The following PRRT4 variants were observed in gnomAD, a reference collection of about 807,000 sequenced individuals.
PRRT4 encodes the protein proline rich transmembrane protein 4.
A neutral mutation model predicts 55.6 loss-of-function variants in PRRT4; 59 were observed. The observed-to-expected ratio is 1.06, with a 90% CI of 0.86 to 1.32. The LOEUF is 1.32. Among genes scored for constraint, PRRT4 ranks in the 40% most tolerant of loss-of-function variants. PRRT4 has a pLI of 0.00. For synonymous variants in PRRT4, 606 were observed against 601.8 expected, an observed-to-expected ratio of 1.01 and a Z score of -0.10; for missense variants, 1,217 against 1,222.0, an observed-to-expected ratio of 1.00 and a Z score of 0.06.
At chr7:128,359,028 C>T (rs1797175260) in intron 3 of PRRT4, 121 bp downstream of exon 4, 3 of 1,251,492 alleles carry the variant, frequency 2.4e-6, no homozygotes, top group African/African-American at 1.5e-5. Context: ...TAGCCCATAT[C>T]CTAGGGCCTG....
chr7:128,351,496 A>AGGTCTG, exon 5 of PRRT4: 1 of 1,515,464 alleles, frequency 6.6e-7, no homozygotes, highest in Non-Finnish European at 8.8e-7. Flanking sequence ...CTGGAGTAGG[A>AGGTCTG]GGTCTGGGCC....
At chr7:128,354,569 A>AC (rs780986480) in intron 4 of PRRT4, among the ~76,000 whole-genome samples, 4,666 of 130,482 alleles carry the variant, frequency 0.036, 86 homozygotes, top group African/African-American at 0.059. Flanking sequence ...GGCTCAAAAA[A>AC]AACACACACA....
At chr7:128,359,007 C>G (rs960347701) in intron 3 of PRRT4, 142 bp downstream of exon 4, 1 of 1,187,950 alleles carries the variant, frequency 8.4e-7, no homozygotes, top group Non-Finnish European at 1.2e-6. Context: ...ATACTCCTTC[C>G]GTGGAAGTAG....
chr7:128,359,879 G>A (rs1386657196), exon 2 of PRRT4: 15 of 1,470,106 alleles, frequency 1.0e-5, no homozygotes, highest in Non-Finnish European at 1.3e-5. Flanking sequence ...AGGTACGGGG[G>A]TCAAAGTGGT....
At chr7:128,361,938 G>C (rs1345207207), upstream of PRRT4, among the ~76,000 whole-genome samples, 1 of 152,112 alleles carries the variant, frequency 6.6e-6, no homozygotes, top group African/African-American at 2.4e-5. Context: ...CACACTCCCA[G>C]GGCGGCCCAG....
At chr7:128,355,556 A>G (rs1797095617) in intron 4 of PRRT4, among the ~76,000 whole-genome samples, 1 of 152,214 alleles carries the variant, frequency 6.6e-6, no homozygotes, top group East Asian at 1.9e-4. Context: ...CCAGCCATCA[A>G]TTAAACGAGA....
rs1797158217 is a variant in PRRT4, at chr7:128,358,280, C to T, written c.877+401G>A. On this transcript the variant is annotated intron_variant, in intron 4 of 4. Transcript: ENST00000535159. The surrounding 1 kb of genome is among the most constrained non-coding windows in gnomAD (Gnocchi z 4.4). Reference sequence around the variant, plus strand: ...ATGAGAAACCCAGCTCTTCCCATATCTGACAGCATGTCATGTCAGATCAGA... The same window carrying T: ...ATGAGAAACCCAGCTCTTCCCATATTTGACAGCATGTCATGTCAGATCAGA... Among the ~76,000 whole-genome samples, 2 of 152,200 alleles carry T rather than the reference C, an allele frequency of 1.3e-5. No individual in the cohort carries two copies. The highest frequency in any genetic ancestry group is 4.8e-5 in the African/African-American group (2 of 41,444).
exon 5 of PRRT4, chr7:128,351,876 C>T (rs1251431917): frequency 7.5e-7 from 1 of 1,328,146 alleles, no homozygotes. Flanking sequence ...CCACCGGGGC[C>T]GTGCGCGCCG....
At position 128,351,186 on chromosome 7, in the gene PRRT4, G is replaced by C. The variant is rs1265456145; in HGVS notation, c.2370C>G (p.Pro790=). The C allele has an allele frequency of 9.1e-6, 14 of 1,542,698 alleles. No homozygotes were observed. In the East Asian group the frequency reaches 3.4e-4, roughly 38 times the overall value. Reference sequence around the variant, plus strand: ...TGCCTGCGGGCCAAGCCCCAGGGGAGGGGAGCTCCGGGGGCGCAGCGGGGC... The same window carrying C: ...TGCCTGCGGGCCAAGCCCCAGGGGACGGGAGCTCCGGGGGCGCAGCGGGGC... The change falls in exon 5 of 5, where the codon CCC becomes CCG. Residue 790 remains proline (P), a synonymous_variant. Transcript: ENST00000535159.
At position 128,359,897 on chromosome 7, in the gene PRRT4, G is replaced by T. The variant is rs1367546452; in HGVS notation, c.95C>A (p.Ala32Asp). The change falls in exon 2 of 5, where the codon GCC becomes GAC. Residue 32 changes from alanine (A) to aspartate (D), a missense_variant. Around this residue, in one of 3 missense-constraint regions of PRRT4, gnomAD observed 564 missense variants for 592.9 expected, o/e 0.95. Coordinates refer to ENST00000535159, the Ensembl canonical transcript of PRRT4. ...TACGGGGGTCAAAGTGGTGGCAGGG[G>T]CACCTGGGATGGAGGGGGTGGGCTG... The T allele has an allele frequency of 5.5e-6, 8 of 1,460,494 alleles. No individual in the cohort carries two copies. The East Asian group carries it at 2.0e-4, about 37-fold the overall frequency. 90.5% of individuals were successfully genotyped at this position (1,460,494 alleles called of 1,614,324 possible).
exon 5 of PRRT4, chr7:128,352,115 C>T (rs1796996645): frequency 8.7e-7 from 1 of 1,154,730 alleles, no homozygotes; most frequent in Non-Finnish European, 1.1e-6. Context: ...CCGAGGGCGG[C>T]GGCGGCCGCC....
chr7:128,351,988 C>T lies in PRRT4; in HGVS notation c.1568G>A (p.Arg523Gln), dbSNP rs768529271. Residue 523 changes from arginine (R) to glutamine (Q), a missense_variant, in exon 5 of 5, where the codon CGG (arginine) becomes CAG (glutamine). Physicochemically the swap from Arg to Gln is conservative, Grantham distance 43. Coordinates refer to ENST00000535159, the Ensembl canonical transcript of PRRT4. ...TCCCAGGGGCGCCCCGGCCCGCCGC[C>T]GCCGCCCGCCCCAGCAGGAGAGCGC... 3.2e-5 allele frequency: 42 copies of T among 1,304,846 alleles called. 1 individual carries two copies. In the South Asian group the frequency reaches 6.5e-4, roughly 20 times the overall value. 80.8% of individuals were successfully genotyped at this position (1,304,846 alleles called of 1,614,324 possible).
At chr7:128,351,594 G>T in exon 5 of PRRT4, 1 of 1,505,590 alleles carries the variant, frequency 6.6e-7, no homozygotes, top group Non-Finnish European at 8.8e-7. Flanking sequence ...GGGGCCCAGT[G>T]ACCCAGCCTC....
At chr7:128,350,964 C>A (rs1055926263) in exon 5 of PRRT4, 3 of 1,551,030 alleles carry the variant, frequency 1.9e-6, no homozygotes, top group Non-Finnish European at 2.6e-6. Context: ...CAGAAGCAGG[C>A]TCTGGGGAGT....
At chr7:128,351,588 C>T (rs1436892296) in exon 5 of PRRT4, 5 of 1,503,778 alleles carry the variant, frequency 3.3e-6, no homozygotes, top group Non-Finnish European at 4.4e-6. Context: ...TGTCTGGGGG[C>T]CCAGTGACCC....
At position 128,354,673 on chromosome 7, in the gene PRRT4, G is replaced by T. The variant is rs1327533341; in HGVS notation, c.878-1995C>A. 2.0e-5 allele frequency among the ~76,000 whole-genome samples: 3 copies of T among 151,998 alleles called. No homozygotes were observed. The East Asian group carries it at 5.8e-4, about 29-fold the overall frequency. ...ATAAGAGTTCTGAGAACAAGGAAAA[G>T]GAAGGAGTGAGGGGGCTGGCAGGTG... On this transcript the variant is annotated intron_variant, in intron 4 of 4. Transcript: ENST00000535159.
chr7:128,351,662 G>A (rs929972948), exon 5 of PRRT4: 10 of 1,513,316 alleles, frequency 6.6e-6, no homozygotes, highest in Middle Eastern at 2.2e-4. Context: ...GCCCAGCAGC[G>A]CGGCGGCACG....
chr7:128,358,738 T>A lies in PRRT4; in HGVS notation c.820A>T (p.Ser274Cys). Residue 274 changes from serine to cysteine, a missense_variant, in exon 4 of 5, where the codon AGT becomes TGT. By Grantham distance (112) the Ser-to-Cys change is moderately radical. Transcript: ENST00000535159. The surrounding 1 kb of genome is among the most constrained non-coding windows in gnomAD (Gnocchi z 4.4). Reference sequence around the variant, plus strand: ...AGGGAAGCAGCTGGGTCCAGAGGACTTGGGCTGGAGAGCTTCCTCTCCAGG... The same window carrying A: ...AGGGAAGCAGCTGGGTCCAGAGGACATGGGCTGGAGAGCTTCCTCTCCAGG... 6.4e-7 allele frequency: 1 copy of A among 1,551,696 alleles called. No individual in the cohort carries two copies. The highest frequency in any genetic ancestry group is 8.7e-7 in the Non-Finnish European group (1 of 1,146,988).
chr7:128,355,623 G>T (rs1013937315), intron 4 of PRRT4, among the ~76,000 whole-genome samples: 8 of 152,188 alleles, frequency 5.3e-5, no homozygotes, highest in Non-Finnish European at 2.9e-5. Context: ...TCTGGCAATG[G>T]CAGGATCAAA....
Sources: allele counts gnomAD v4.1 joint callset (sites outside exome capture counted in the v4.1 genomes callset), GRCh38; gene constraint gnomAD v4.1.1; regional missense constraint gnomAD v4.1.1; non-coding constraint Gnocchi (gnomAD v3.1); transcripts MANE v1.5; gene names NCBI Gene and HGNC (gene_info 2026-07-23, HGNC 2026-07-21).